The following TCF12 variants were observed in gnomAD, a reference collection of about 807,000 sequenced individuals.
TCF12 encodes the protein transcription factor 12.
A neutral mutation model predicts 86.0 loss-of-function variants in TCF12; 45 were observed. That is an observed-to-expected ratio of 0.52 (90% confidence interval 0.41 to 0.67). TCF12 has a LOEUF of 0.67. TCF12 is among the 30% of genes least tolerant of loss of function. The probability of loss-of-function intolerance (pLI) is 0.00; values close to 1 mark genes in which losing one functional copy is unlikely to be tolerated. For missense variants in TCF12, 881 were observed against 859.9 expected (o/e 1.02, Z -0.31); for synonymous variants, 330 against 299.6 (o/e 1.10, Z -1.05).
At chr15:57,154,433 T>G (rs2053978728) in intron 5 of TCF12, among the ~76,000 whole-genome samples, 1 of 152,160 alleles carries the variant, frequency 6.6e-6, no homozygotes, top group Non-Finnish European at 1.5e-5. Context: ...TAAAACCACT[T>G]TGCCCAAACC....
intron 13 of TCF12, chr15:57,247,014 C>G: frequency 1.8e-6 from 1 of 544,776 alleles, no homozygotes; most frequent in South Asian, 1.4e-5. Context: ...AATGCCTGAG[C>G]TTCTTCCACC....
At position 56,976,295 on chromosome 15, in the gene TCF12, A is replaced by G. The variant is rs901237287; in HGVS notation, c.148+55197A>G. 3.8e-5 allele frequency among the ~76,000 whole-genome samples: 5 copies of G among 131,690 alleles called. No individual in the cohort carries two copies. In the Admixed American group the frequency reaches 4.4e-4, roughly 12 times the overall value. 86.4% of individuals were successfully genotyped at this position (131,690 alleles called of 152,430 possible). ...ACCCAGGCTAGCGTGCCGTGGTGCA[A>G]TTTCGGCTCACTGCAACCTCTGACT... On this transcript the variant is annotated intron_variant, in intron 3 of 20. Coordinates refer to ENST00000333725, the MANE Select transcript of TCF12 (RefSeq NM_207037.2).
chr15:57,031,317 A>C (rs566053921), intron 3 of TCF12, among the ~76,000 whole-genome samples: 1 of 152,164 alleles, frequency 6.6e-6, no homozygotes, highest in Non-Finnish European at 1.5e-5. Flanking sequence ...AGTGTTTATC[A>C]GTGATCTCCC....
intron 20 of TCF12, among the ~76,000 whole-genome samples, chr15:57,283,437 G>T (rs1170572533): frequency 6.6e-6 from 1 of 151,942 alleles, no homozygotes; most frequent in African/African-American, 2.4e-5. Context: ...GCTAATTTTT[G>T]TATTTTTAGT....
chr15:57,244,829 G>T (rs761983571), intron 13 of TCF12, among the ~76,000 whole-genome samples: 6 of 151,864 alleles, frequency 4.0e-5, no homozygotes, highest in African/African-American at 7.3e-5. Flanking sequence ...CTATCCTACA[G>T]TATAAATTTG....
chr15:56,926,583 C>A (rs1232938567), intron 3 of TCF12, among the ~76,000 whole-genome samples: 1 of 152,042 alleles, frequency 6.6e-6, no homozygotes, highest in Admixed American at 6.5e-5. Context: ...GAGGAGAGAC[C>A]TGGAAATGGG....
At position 57,288,195 on chromosome 15, in the gene TCF12, AT is replaced by A. The variant is rs1426489146; in HGVS notation, c.*2053del. ...ATTAGGTAGTAAAAAATGTAGGGTT[AT>A]TTACCATAACCTGTTCATTAATATC... On this transcript the variant is annotated 3_prime_UTR_variant, in exon 21 of 21. Transcript: ENST00000333725. The A allele has an allele frequency of 1.3e-5, 2 of 152,594 alleles. No individual in the cohort carries two copies. The highest frequency in any genetic ancestry group is 4.8e-5 in the African/African-American group (2 of 41,452). 9.5% of individuals were successfully genotyped at this position (152,594 alleles called of 1,614,324 possible).
intron 2 of TCF12, 23 bp from the exon 3 acceptor site, chr15:56,921,003 G>A (rs1567105331): frequency 6.3e-7 from 1 of 1,575,118 alleles, no homozygotes. Flanking sequence ...AGGACTAACA[G>A]ATATATTTGG....
At chr15:57,284,022 A>G (rs138811662) in intron 20 of TCF12, among the ~76,000 whole-genome samples, 13 of 152,294 alleles carry the variant, frequency 8.5e-5, no homozygotes, top group South Asian at 6.2e-4. Context: ...GTATCCAGCA[A>G]TCTAACAGAT....
chr15:57,151,602 T>C (rs2053765268), intron 5 of TCF12, among the ~76,000 whole-genome samples: 1 of 151,898 alleles, frequency 6.6e-6, no homozygotes, highest in Non-Finnish European at 1.5e-5. Flanking sequence ...CTGTCTCTAC[T>C]AAAAATACAA....
At chr15:57,165,149 TG>T (rs2054789764) in intron 5 of TCF12, among the ~76,000 whole-genome samples, 2 of 149,436 alleles carry the variant, frequency 1.3e-5, no homozygotes, top group African/African-American at 5.0e-5. Flanking sequence ...TGTGTGTGTG[TG>T]TGTGTGTGTG....
intron 5 of TCF12, among the ~76,000 whole-genome samples, chr15:57,163,477 G>C (rs549623048): frequency 6.6e-6 from 1 of 152,018 alleles, no homozygotes; most frequent in East Asian, 2.0e-4. Flanking sequence ...AGGTAGGAGG[G>C]TTGCTTGAGC....
chr15:57,255,383 T>C (rs754732374), intron 16 of TCF12, among the ~76,000 whole-genome samples: 2 of 152,200 alleles, frequency 1.3e-5, no homozygotes, highest in Non-Finnish European at 2.9e-5. Context: ...CTAAAACTTA[T>C]AACTAAGAAA....
intron 3 of TCF12, among the ~76,000 whole-genome samples, chr15:56,951,210 T>G (rs1215588774): frequency 6.6e-6 from 1 of 152,238 alleles, no homozygotes; most frequent in African/African-American, 2.4e-5. Flanking sequence ...TCTAATGGTT[T>G]GTATGGTTAT....
chr15:57,254,873 A>AG (rs1467177498), intron 16 of TCF12, among the ~76,000 whole-genome samples: 12 of 145,584 alleles, frequency 8.2e-5, no homozygotes, highest in African/African-American at 1.2e-4. Context: ...AAAAAAAAAA[A>AG]AAAAGAAAGA....
intron 6 of TCF12, among the ~76,000 whole-genome samples, chr15:57,171,418 A>ATTT (rs2055490160): frequency 1.3e-5 from 2 of 152,264 alleles, no homozygotes; most frequent in South Asian, 4.1e-4. Context: ...ACTGGCTGCC[A>ATTT]TTTTGTCTTA....
At chr15:56,973,968 C>T (rs970149158) in intron 3 of TCF12, among the ~76,000 whole-genome samples, 3 of 152,098 alleles carry the variant, frequency 2.0e-5, no homozygotes, top group African/African-American at 7.2e-5. Flanking sequence ...CTGAGAAGTA[C>T]TCTTCAAGTA....
chr15:56,918,213 A>G (rs2059591164), upstream of TCF12: 1 of 456,126 alleles, frequency 2.2e-6, no homozygotes, highest in Admixed American at 2.3e-5. Context: ...CTACTCGGGA[A>G]TGGCAGCCTT....
intron 3 of TCF12, among the ~76,000 whole-genome samples, chr15:57,054,380 A>G (rs1267139804): frequency 6.6e-6 from 1 of 152,242 alleles, no homozygotes; most frequent in Admixed American, 6.5e-5. Flanking sequence ...TGGGTACCAT[A>G]AAAACAAAAA....
Sources: allele counts gnomAD v4.1 joint callset (sites outside exome capture counted in the v4.1 genomes callset), GRCh38; gene constraint gnomAD v4.1.1; transcripts MANE v1.5; gene names NCBI Gene and HGNC (gene_info 2026-07-23, HGNC 2026-07-21).